The following ATAD2 variants were observed in gnomAD, a reference collection of about 807,000 sequenced individuals.
ATAD2 encodes the protein ATPase family AAA domain-containing protein 2.
In ATAD2, 62 loss-of-function variants were observed where a neutral mutation model predicts 168.9. That is an observed-to-expected ratio of 0.37 (90% CI 0.30 to 0.45). The LOEUF (loss-of-function observed/expected upper bound fraction) is 0.45. Among genes scored for constraint, ATAD2 ranks in the 20% least tolerant of loss-of-function variants. The pLI is 1.00. For synonymous variants in ATAD2, 613 were observed against 571.6 expected (o/e 1.07, Z -1.03); for missense variants, 1,419 against 1,667.8 (o/e 0.85, Z 2.60).
At chr8:123,414,601 G>A (rs1813212100) in intron 1 of ATAD2, among the ~76,000 whole-genome samples, 2 of 152,210 alleles carry the variant, frequency 1.3e-5, no homozygotes, top group South Asian at 4.1e-4. Context: ...TCCAGCCTGG[G>A]TGACAGAGGG....
At position 123,378,205 on chromosome 8, in the gene ATAD2, T is replaced by C. The variant is rs545371388; in HGVS notation, c.320+2324A>G. The stretch of plus-strand genomic sequence containing the variant: ...ACAGTTTACTGTCAGTGATTTTCTT[T>C]TTTAGTGTCCCATAAACATTGTCAT... On this transcript the variant is annotated intron_variant, in intron 2 of 27. Coordinates refer to ENST00000287394, the MANE Select transcript of ATAD2 (RefSeq NM_014109.4). Among the ~76,000 whole-genome samples the C allele has an allele frequency of 2.0e-5, 3 of 152,318 alleles. No homozygotes were observed. In the East Asian group the frequency reaches 5.8e-4, roughly 29 times the overall value.
rs771963676 is a variant in ATAD2 at position 123,347,217 on chromosome 8, G to A, written c.2087C>T (p.Ser696Leu). 5 of 1,614,164 alleles carry A rather than the reference G, an allele frequency of 3.1e-6. No homozygotes were observed. Among genetic ancestry groups the A allele is most frequent in the Admixed American group, 3.3e-5 (2 of 60,020 alleles). The part of the protein sequence containing the change: ...MIPASQRAVT[S>L]PGQALSTVVK... ...AACGGTGGACAGTGCCTGCCCAGGTGATGTCACAGCTCTTTGGGAGGCTGG... is the reference window on the plus strand; with the variant it reads ...AACGGTGGACAGTGCCTGCCCAGGTAATGTCACAGCTCTTTGGGAGGCTGG... Residue 696 changes from serine to leucine, a missense_variant, in exon 16 of 28, where the codon TCA becomes TTA. Physicochemically the swap from Ser to Leu is moderately radical, Grantham distance 145 (BLOSUM62 -2). Transcript: ENST00000287394.
rs200599882 is a variant in ATAD2, at chr8:123,370,153, C to CA, written c.728-130dup. The CA allele has an allele frequency of 8.2e-3, 6,051 of 737,880 alleles. 177 individuals are homozygous for CA. Among genetic ancestry groups the CA allele is most frequent in the African/African-American group, 0.079 (4,297 of 54,182 alleles). 45.7% of individuals were successfully genotyped at this position (737,880 alleles called of 1,614,324 possible). A position where few individuals can be genotyped will look rare whatever the true frequency, so the allele number is the denominator to read the frequency against. ...TCTACTCCTAAAAAAAAAAAAACAA[C>CA]AAAAAAAAACCAAACTTATCTACTC... On this transcript the variant is annotated intron_variant, in intron 6 of 27. Transcript: ENST00000287394.
chr8:123,350,133 AG>A (rs1204994433), intron 13 of ATAD2, among the ~76,000 whole-genome samples: 2 of 152,260 alleles, frequency 1.3e-5, no homozygotes, highest in Non-Finnish European at 2.9e-5. Flanking sequence ...ACACCAAAAT[AG>A]AATATACATA....
At chr8:123,325,282 A>G (rs1488919304) in intron 26 of ATAD2, among the ~76,000 whole-genome samples, 1 of 143,950 alleles carries the variant, frequency 6.9e-6, no homozygotes, top group African/African-American at 2.8e-5. Flanking sequence ...TTTATCTATT[A>G]TTTATTTATT....
intron 1 of ATAD2, among the ~76,000 whole-genome samples, chr8:123,414,162 C>CA (rs992484421): frequency 1.1e-5 from 1 of 89,566 alleles, no homozygotes; most frequent in Non-Finnish European, 2.4e-5. Flanking sequence ...ATTTTTTTAA[C>CA]AAAAAATCAT....
Position 123,322,957 on chromosome 8 carries a change from T to A in ATAD2, c.4112A>T (p.Asp1371Val), listed in dbSNP as rs113758491. 1.2e-6 allele frequency: 2 copies of A among 1,613,722 alleles called. No homozygotes were observed. ...QCIYRHRKDH[D>V]KTSLIQKMEQ... ...GTTTACCTGAATAAGTGATGTTTTA[T>A]CATGGTCCTTGCGATGCCGATAAAT... The change falls in exon 27 of 28, where the codon GAT becomes GTT. Residue 1371 changes from aspartate (D) to valine (V), a missense_variant. Asp to Val is a radical substitution (Grantham distance 152). Transcript: ENST00000287394.
At chr8:123,362,606 TG>T (rs1828860574) in intron 8 of ATAD2, among the ~76,000 whole-genome samples, 1 of 151,074 alleles carries the variant, frequency 6.6e-6, no homozygotes. Context: ...TCGATAGAGA[TG>T]GGGTTTCACC....
chr8:123,336,440 G>A lies in ATAD2; in HGVS notation c.3144C>T (p.Asp1048=). Residue 1048 remains aspartate (D), a synonymous_variant, in exon 22 of 28, where the codon GAC becomes GAT. Coordinates refer to ENST00000287394, the MANE Select transcript of ATAD2 (RefSeq NM_014109.4). ...IDLHKYLTVK[D]YLRDIDLICS... ...AGATTAGATCAATATCTCTCAAATA[G>A]TCTTTCACAGTCAGATACTTGTGTA... 3 of 1,580,324 alleles carry A rather than the reference G, an allele frequency of 1.9e-6. No individual in the cohort carries two copies. The highest frequency in any genetic ancestry group is 2.6e-6 in the Non-Finnish European group (3 of 1,168,156).
intron 19 of ATAD2, among the ~76,000 whole-genome samples, chr8:123,341,955 G>A (rs992929819): frequency 6.6e-5 from 10 of 152,106 alleles, no homozygotes; most frequent in African/African-American, 2.4e-4. Context: ...GCATGGTGGC[G>A]GATGCCTGTA....
intron 1 of ATAD2, among the ~76,000 whole-genome samples, chr8:123,414,092 CAAAAAAAAAAA>C (rs57662854): frequency 1.2e-4 from 5 of 40,620 alleles, no homozygotes; most frequent in African/African-American, 3.2e-4. Flanking sequence ...ACTCTTATCT[CAAAAAAAAAAA>C]AAAAAAAAAA....
Position 123,328,387 on chromosome 8 carries a change from T to C in ATAD2, c.3671A>G (p.Glu1224Gly). The C allele has an allele frequency of 1.9e-6, 3 of 1,603,828 alleles. No homozygotes were observed. Among genetic ancestry groups the C allele is most frequent in the Middle Eastern group, 1.7e-4 (1 of 6,014 alleles). Residue 1224 changes from glutamate (E) to glycine (G), a missense_variant, in exon 25 of 28, where the codon GAA (glutamate) becomes GGA (glycine). Physicochemically the swap from Glu to Gly is moderately conservative, Grantham distance 98. Coordinates refer to ENST00000287394, the MANE Select transcript of ATAD2 (RefSeq NM_014109.4). The stretch of plus-strand genomic sequence containing the variant: ...GGCATTTTGCTGTTTTTCATTTTCT[T>C]CCACCGAAGACTCTCCTGTGTTTCC... ...ETGNTGESSV[E>G]ENEKQQNASE...
intron 24 of ATAD2, 78 bp from the exon 25 acceptor site, chr8:123,328,657 T>C (rs907329557): frequency 1.0e-5 from 14 of 1,357,478 alleles, no homozygotes; most frequent in South Asian, 1.7e-5. Flanking sequence ...AACCCTGATA[T>C]ATGAAAGGAT....
Position 123,371,794 on chromosome 8 carries a change from T to C in ATAD2, c.412A>G (p.Ile138Val), listed in dbSNP as rs774197226. The change falls in exon 4 of 28, where the codon ATC (isoleucine) becomes GTC (valine). Residue 138 changes from isoleucine (I) to valine (V), a missense_variant. Transcript: ENST00000287394. Reference sequence around the variant, plus strand: ...TGTAAGTGTTCTGTACTTTGAACGATGTTTCTAGCCCTCAATGACCGAGTA... The same window carrying C: ...TGTAAGTGTTCTGTACTTTGAACGACGTTTCTAGCCCTCAATGACCGAGTA... The part of the protein sequence containing the change: ...PVTRSLRARN[I>V]VQSTEHLHED... The C allele has an allele frequency of 5.0e-6, 8 of 1,611,850 alleles. No homozygotes were observed. Among genetic ancestry groups the C allele is most frequent in the South Asian group, 1.1e-5 (1 of 90,534 alleles).
chr8:123,334,998 T>C (rs982686238), intron 22 of ATAD2, among the ~76,000 whole-genome samples: 1 of 152,168 alleles, frequency 6.6e-6, no homozygotes, highest in Admixed American at 6.5e-5. Context: ...GAAGTAGTGG[T>C]TCCAGAACTC....
At chr8:123,323,127 A>T (rs1827519956) in intron 26 of ATAD2, 61 bp from the exon 27 acceptor site, 1 of 1,510,138 alleles carries the variant, frequency 6.6e-7, no homozygotes, top group Non-Finnish European at 8.9e-7. Flanking sequence ...CAAGATACTT[A>T]ATTTAGAAGG....
chr8:123,387,144 A>G (rs1382947112), intron 1 of ATAD2, among the ~76,000 whole-genome samples: 2 of 152,158 alleles, frequency 1.3e-5, no homozygotes, highest in Non-Finnish European at 2.9e-5. Context: ...ACATATTTAC[A>G]TGATTTTAAA....
At chr8:123,352,917 A>G (rs1394214038) in intron 13 of ATAD2, among the ~76,000 whole-genome samples, 3 of 151,844 alleles carry the variant, frequency 2.0e-5, no homozygotes, top group Non-Finnish European at 4.4e-5. Flanking sequence ...ACAAACAAAC[A>G]ACCAAAACCC....
rs60125158 is a variant in ATAD2 at position 123,394,059 on chromosome 8, G to A, written c.171+2128C>T. 0.019 allele frequency among the ~76,000 whole-genome samples: 2,821 copies of A among 152,026 alleles called. 143 individuals carry two copies. The East Asian group carries it at 0.2, about 11-fold the overall frequency. The stretch of plus-strand genomic sequence containing the variant: ...GAATTTGCTAATGCACTGGATGTGA[G>A]GAGTCAACAACAACCTAAGGTTTTT... On this transcript the variant is annotated intron_variant, in intron 1 of 27. Transcript: ENST00000287394.
Sources: gnomAD v4.1 joint callset for allele counts (sites outside exome capture counted in the v4.1 genomes callset) on GRCh38, gnomAD v4.1.1 for gene constraint, MANE v1.5 for transcripts, NCBI Gene and HGNC (gene_info 2026-07-23, HGNC 2026-07-21) for gene names.